The following KCND2 variants were observed in gnomAD, a reference collection of about 807,000 sequenced individuals.
The protein encoded by KCND2 is potassium voltage-gated channel subfamily D member 2, also known as A-type voltage-gated potassium channel KCND2.
In KCND2, 16 loss-of-function variants were observed where a neutral mutation model predicts 54.4. The observed-to-expected ratio is 0.29, with a 90% CI of 0.20 to 0.45. The LOEUF is 0.45. Among genes scored for constraint, KCND2 ranks in the 20% least tolerant of loss-of-function variants. The probability of loss-of-function intolerance (pLI) is 1.00; values close to 1 mark genes in which losing one functional copy is unlikely to be tolerated. For missense variants in KCND2, 486 were observed against 824.2 expected (o/e 0.59, Z 5.02); for synonymous variants, 317 against 310.7 (o/e 1.02, Z -0.21).
At chr7:120,437,580 T>G (rs577594936) in intron 1 of KCND2, among the ~76,000 whole-genome samples, 1 of 152,238 alleles carries the variant, frequency 6.6e-6, no homozygotes, top group East Asian at 1.9e-4. Flanking sequence ...AGTGCAGAAT[T>G]AGCATTGATA....
At chr7:120,438,324 T>C (rs2116186540) in intron 1 of KCND2, among the ~76,000 whole-genome samples, 1 of 152,310 alleles carries the variant, frequency 6.6e-6, no homozygotes, top group East Asian at 1.9e-4. Flanking sequence ...CAATCCTCTC[T>C]TGTAACATCC....
intron 1 of KCND2, among the ~76,000 whole-genome samples, chr7:120,606,880 G>T (rs998039044): frequency 3.3e-5 from 5 of 152,036 alleles, no homozygotes; most frequent in Admixed American, 2.0e-4. Flanking sequence ...GCTATTCAGG[G>T]TTTCTTAAAT....
At chr7:120,343,527 A>C (rs1378979681) in intron 1 of KCND2, among the ~76,000 whole-genome samples, 1 of 152,172 alleles carries the variant, frequency 6.6e-6, no homozygotes, top group Non-Finnish European at 1.5e-5. Context: ...CAACAATGTA[A>C]TTAGTCTGAA....
In KCND2 at chr7:120,413,884, A is replaced by T. The variant is rs985209624; in HGVS notation, c.1115+138137A>T. Among the ~76,000 whole-genome samples the T allele has an allele frequency of 7.3e-5, 11 of 151,686 alleles. No homozygotes were observed. In the South Asian group the frequency reaches 1.9e-3, roughly 26 times the overall value. ...TCCGAGATGCTTTTATGGCATTAGCATGTATGGCACTGTTTTAGTCCTTAA... is the reference window on the plus strand; with the variant it reads ...TCCGAGATGCTTTTATGGCATTAGCTTGTATGGCACTGTTTTAGTCCTTAA... On this transcript the variant is annotated intron_variant, in intron 1 of 5. Coordinates refer to ENST00000331113, the MANE Select transcript of KCND2 (RefSeq NM_012281.3).
chr7:120,273,585 G>C lies in KCND2; in HGVS notation c.-1048G>C, dbSNP rs1203285726. On this transcript the variant is annotated 5_prime_UTR_variant, in exon 1 of 6. Transcript: ENST00000331113. ...GCGCCTGGCTTTTGGAAGGTGAAAAGGAGGAGGGAGGCACGGAGGGATGGG... is the reference window on the plus strand; with the variant it reads ...GCGCCTGGCTTTTGGAAGGTGAAAACGAGGAGGGAGGCACGGAGGGATGGG... 2 of 152,970 alleles carry C rather than the reference G, an allele frequency of 1.3e-5. No homozygotes were observed. Among genetic ancestry groups the C allele is most frequent in the Non-Finnish European group, 2.9e-5 (2 of 68,424 alleles). 9.5% of individuals were successfully genotyped at this position (152,970 alleles called of 1,614,324 possible). A position where few individuals can be genotyped will look rare whatever the true frequency, so the allele number is the denominator to read the frequency against.
chr7:120,687,152 G>A (rs1052546259), intron 1 of KCND2, among the ~76,000 whole-genome samples: 8 of 152,120 alleles, frequency 5.3e-5, no homozygotes, highest in African/African-American at 1.2e-4. Flanking sequence ...AGCCAGACAC[G>A]GAAGGACAAA....
chr7:120,483,017 G>C (rs577859288), intron 1 of KCND2, among the ~76,000 whole-genome samples: 164 of 152,230 alleles, frequency 1.1e-3, no homozygotes, highest in Non-Finnish European at 1.4e-3. Context: ...GAGGGGACTT[G>C]AGAAACTTCA....
intron 1 of KCND2, among the ~76,000 whole-genome samples, chr7:120,629,709 T>A (rs181603938): frequency 2.6e-5 from 4 of 152,048 alleles, no homozygotes; most frequent in Admixed American, 6.6e-5. Context: ...TTGGCTGACA[T>A]TGGTAATGCA....
At chr7:120,375,377 T>C (rs1367884071) in intron 1 of KCND2, among the ~76,000 whole-genome samples, 1 of 151,836 alleles carries the variant, frequency 6.6e-6, no homozygotes, top group African/African-American at 2.4e-5. Context: ...TTAGACTCCT[T>C]TCAGTCTCCT....
intron 1 of KCND2, among the ~76,000 whole-genome samples, chr7:120,316,662 A>G (rs1290715945): frequency 2.0e-5 from 3 of 152,200 alleles, no homozygotes; most frequent in African/African-American, 7.2e-5. Context: ...CATATTGGCC[A>G]CTTATTCTGA....
At chr7:120,715,757 G>C (rs1457096729) in intron 1 of KCND2, among the ~76,000 whole-genome samples, 1 of 152,024 alleles carries the variant, frequency 6.6e-6, no homozygotes, top group Non-Finnish European at 1.5e-5. Flanking sequence ...TTATGTTTGA[G>C]TAGGTATAGA....
At chr7:120,659,875 T>C (rs1268000445) in intron 1 of KCND2, among the ~76,000 whole-genome samples, 1 of 152,148 alleles carries the variant, frequency 6.6e-6, no homozygotes, top group Non-Finnish European at 1.5e-5. Context: ...GAAATAGACA[T>C]AGAAGCAGAC....
At chr7:120,698,954 G>A (rs1022385602) in intron 1 of KCND2, among the ~76,000 whole-genome samples, 1 of 152,138 alleles carries the variant, frequency 6.6e-6, no homozygotes, top group Non-Finnish European at 1.5e-5. Context: ...GACTTGTTGA[G>A]ATGGGAGATG....
chr7:120,592,218 T>TTTTG (rs563922540), intron 1 of KCND2, among the ~76,000 whole-genome samples: 93 of 152,200 alleles, frequency 6.1e-4, no homozygotes, highest in African/African-American at 1.1e-3. Flanking sequence ...TAGAGACATG[T>TTTTG]TTTGTTTGTT....
chr7:120,509,386 C>T (rs897195417), intron 1 of KCND2, among the ~76,000 whole-genome samples: 4 of 151,958 alleles, frequency 2.6e-5, no homozygotes, highest in South Asian at 2.1e-4. Flanking sequence ...TATGTATATA[C>T]GCTCTGGAAT....
intron 1 of KCND2, among the ~76,000 whole-genome samples, chr7:120,461,629 A>G (rs1802284932): frequency 6.6e-6 from 1 of 152,188 alleles, no homozygotes; most frequent in Admixed American, 6.5e-5. Context: ...AGAGACTTCT[A>G]CTAACTGTCA....
chr7:120,283,038 A>G (rs1048545168), intron 1 of KCND2, among the ~76,000 whole-genome samples: 2 of 152,202 alleles, frequency 1.3e-5, no homozygotes, highest in Admixed American at 6.5e-5. Flanking sequence ...GCTATTTTGC[A>G]TAGGGGACAA....
intron 1 of KCND2, among the ~76,000 whole-genome samples, chr7:120,405,762 T>G (rs1175400539): frequency 6.6e-5 from 10 of 152,076 alleles, no homozygotes; most frequent in Non-Finnish European, 1.5e-4. Flanking sequence ...TAGGACTAAT[T>G]TGTCTTTCTA....
intron 1 of KCND2, among the ~76,000 whole-genome samples, chr7:120,494,795 A>G (rs1051876663): frequency 6.6e-6 from 1 of 152,194 alleles, no homozygotes; most frequent in African/African-American, 2.4e-5. Context: ...AAATGATTAT[A>G]TCACAGCATT....
Sources: gnomAD v4.1 joint callset for allele counts (sites outside exome capture counted in the v4.1 genomes callset) on GRCh38, gnomAD v4.1.1 for gene constraint, MANE v1.5 for transcripts, NCBI Gene and HGNC (gene_info 2026-07-23, HGNC 2026-07-21) for gene names.